Variants in TMEM132D observed in about 807,000 individuals in gnomAD.
TMEM132D encodes mature OL transmembrane protein.
In TMEM132D, 21 loss-of-function variants were observed where a neutral mutation model predicts 62.3. That is an observed-to-expected ratio of 0.34 (90% CI 0.24 to 0.49). The LOEUF is 0.49. Ranked by LOEUF, TMEM132D falls within the 20% of genes least tolerant of loss-of-function variation. The pLI, the probability that TMEM132D is intolerant of heterozygous loss-of-function variation, is 0.99. For synonymous variants in TMEM132D, 621 were observed against 575.6 expected (o/e 1.08, Z -1.13); for missense variants, 1,346 against 1,402.8 (o/e 0.96, Z 0.65).
At chr12:129,095,231 G>A (rs934442428) in intron 5 of TMEM132D, among the ~76,000 whole-genome samples, 11 of 151,830 alleles carry the variant, frequency 7.2e-5, no homozygotes, top group Admixed American at 3.9e-4. Context: ...ATGTCTTCAC[G>A]TGGAAAAAAA....
At chr12:129,127,799 G>A (rs953431956) in intron 5 of TMEM132D, among the ~76,000 whole-genome samples, 1 of 152,160 alleles carries the variant, frequency 6.6e-6, no homozygotes, top group Non-Finnish European at 1.5e-5. Context: ...CTTTGCACCC[G>A]ATGCCTCTTG....
At chr12:129,332,488 C>G (rs181031593) in intron 4 of TMEM132D, among the ~76,000 whole-genome samples, 17 of 152,306 alleles carry the variant, frequency 1.1e-4, no homozygotes, top group Non-Finnish European at 1.0e-4. Flanking sequence ...AATGGAGAGG[C>G]CACCAGCTTC....
intron 1 of TMEM132D, among the ~76,000 whole-genome samples, chr12:129,893,181 C>T (rs1393374623): frequency 6.6e-6 from 1 of 152,086 alleles, no homozygotes; most frequent in Non-Finnish European, 1.5e-5. Flanking sequence ...GGCTTAAGGA[C>T]TCCTTTTTGT....
At chr12:129,880,128 C>A (rs1874545803) in intron 1 of TMEM132D, among the ~76,000 whole-genome samples, 1 of 151,840 alleles carries the variant, frequency 6.6e-6, no homozygotes, top group East Asian at 1.9e-4. Context: ...AAAAAAAAGA[C>A]ACATTACACA....
rs553681959 is a variant in TMEM132D at position 129,087,199 on chromosome 12, C to T, written c.1444-2497G>A. On this transcript the variant is annotated intron_variant, in intron 5 of 8. Coordinates refer to ENST00000422113, the MANE Select transcript of TMEM132D (RefSeq NM_133448.3). ...TTGTTTCTGTGAGTTGGACTTTTCC[C>T]GACGTATAAGCAACGTCATGTAGGA... is the stretch of plus-strand genomic sequence containing the variant. Among the ~76,000 whole-genome samples, 9 of 152,140 alleles carry T rather than the reference C, an allele frequency of 5.9e-5. No individual in the cohort carries two copies. The South Asian group carries it at 1.5e-3, about 25-fold the overall frequency.
At chr12:129,496,935 G>A (rs950097659) in intron 3 of TMEM132D, among the ~76,000 whole-genome samples, 13 of 152,226 alleles carry the variant, frequency 8.5e-5, no homozygotes, top group African/African-American at 3.1e-4. Flanking sequence ...CTCCCCACGG[G>A]ACTCTGCCAG....
Position 129,133,419 on chromosome 12 carries a change from A to T in TMEM132D, c.1444-48717T>A, listed in dbSNP as rs1876438435. Among the ~76,000 whole-genome samples, 3 of 152,262 alleles carry T rather than the reference A, an allele frequency of 2.0e-5. No individual in the cohort carries two copies. In the South Asian group the frequency reaches 6.2e-4, roughly 32 times the overall value. ...ATCAAATATTATTCAGCCTTAAAAA[A>T]GTAGGAACTATTGGCATTTGCAGCA... On this transcript the variant is annotated intron_variant, in intron 5 of 8. Transcript: ENST00000422113.
At position 129,362,763 on chromosome 12, in the gene TMEM132D, G is replaced by C. The variant is rs566699876; in HGVS notation, c.1116-24946C>G. Among the ~76,000 whole-genome samples, 3 of 151,956 alleles carry C rather than the reference G, an allele frequency of 2.0e-5. No homozygotes were observed. The South Asian group carries it at 6.2e-4, about 32-fold the overall frequency. On this transcript the variant is annotated intron_variant, in intron 3 of 8. Transcript: ENST00000422113. ...GTGATGAAGCCCTAGATGAGACTTG[G>C]GCAGAAAACACAAAATCAGAATACG...
chr12:129,192,446 A>T (rs543461562), intron 5 of TMEM132D, among the ~76,000 whole-genome samples: 31 of 152,328 alleles, frequency 2.0e-4, no homozygotes, highest in Non-Finnish European at 3.8e-4. Context: ...AGACCTTCCC[A>T]TGAGGGGAAA....
At chr12:129,140,175 T>A (rs994990005) in intron 5 of TMEM132D, among the ~76,000 whole-genome samples, 1 of 151,662 alleles carries the variant, frequency 6.6e-6, no homozygotes, top group Admixed American at 6.6e-5. Context: ...AATTGTATGG[T>A]GTACTAAAAT....
intron 4 of TMEM132D, among the ~76,000 whole-genome samples, chr12:129,280,803 T>C (rs193089616): frequency 1.2e-4 from 18 of 152,274 alleles, no homozygotes; most frequent in Admixed American, 1.1e-3. Context: ...TCTATCTATC[T>C]TCTATTATCT....
At chr12:129,214,476 C>T (rs140724058) in intron 4 of TMEM132D, among the ~76,000 whole-genome samples, 2 of 152,200 alleles carry the variant, frequency 1.3e-5, no homozygotes, top group African/African-American at 4.8e-5. Flanking sequence ...CAGTTTGTTG[C>T]CCATTCAATG....
intron 3 of TMEM132D, among the ~76,000 whole-genome samples, chr12:129,478,467 A>G (rs1252307886): frequency 6.6e-6 from 1 of 152,222 alleles, no homozygotes; most frequent in African/African-American, 2.4e-5. Flanking sequence ...GCATTGCATG[A>G]CTACATATGT....
At chr12:129,488,614 A>C (rs1874660405) in intron 3 of TMEM132D, among the ~76,000 whole-genome samples, 1 of 152,208 alleles carries the variant, frequency 6.6e-6, no homozygotes, top group South Asian at 2.1e-4. Flanking sequence ...CAGAGGTTGC[A>C]GTGAGCCAAG....
intron 3 of TMEM132D, among the ~76,000 whole-genome samples, chr12:129,406,640 T>C (rs908364045): frequency 2.0e-5 from 3 of 150,292 alleles, no homozygotes; most frequent in African/African-American, 4.9e-5. Context: ...AAAAAAGATA[T>C]GTACACATGG....
intron 4 of TMEM132D, among the ~76,000 whole-genome samples, chr12:129,262,173 T>A (rs1880566103): frequency 1.3e-5 from 2 of 152,188 alleles, no homozygotes; most frequent in Non-Finnish European, 2.9e-5. Flanking sequence ...TAAAGCAGAA[T>A]ATACGTCAGT....
chr12:129,222,871 A>T (rs1376570086), intron 4 of TMEM132D, among the ~76,000 whole-genome samples: 2 of 152,048 alleles, frequency 1.3e-5, no homozygotes, highest in Non-Finnish European at 2.9e-5. Context: ...TATATCACAT[A>T]CTTGAAATTT....
intron 4 of TMEM132D, among the ~76,000 whole-genome samples, chr12:129,256,009 A>T (rs1880390212): frequency 6.6e-6 from 1 of 152,208 alleles, no homozygotes; most frequent in South Asian, 2.1e-4. Context: ...GAAAGGAAGA[A>T]GTGCTATTCC....
At chr12:129,679,046 T>G (rs939328636) in intron 2 of TMEM132D, among the ~76,000 whole-genome samples, 1 of 151,914 alleles carries the variant, frequency 6.6e-6, no homozygotes, top group African/African-American at 2.4e-5. Flanking sequence ...TCTATATATT[T>G]TTCTCTTTAG....
Sources: allele counts gnomAD v4.1 joint callset (sites outside exome capture counted in the v4.1 genomes callset), GRCh38; gene constraint gnomAD v4.1.1; transcripts MANE v1.5; gene names NCBI Gene and HGNC (gene_info 2026-07-23, HGNC 2026-07-21).